The following TMEM260 variants were observed in gnomAD, a reference collection of about 807,000 sequenced individuals.
TMEM260 encodes transmembrane protein 260, also known as protein O-mannosyl-transferase TMEM260.
TMEM260 carries 82 observed loss-of-function variants against 88.9 expected under a neutral mutation model. The ratio of observed to expected loss-of-function variants is 0.92; its 90% confidence interval spans 0.77 to 1.11. The LOEUF (loss-of-function observed/expected upper bound fraction) is 1.11, where lower values mean the gene tolerates loss of function less well. Ranked by LOEUF, TMEM260 falls within the 50% of genes least tolerant of loss-of-function variation. The pLI, the probability that TMEM260 is intolerant of heterozygous loss-of-function variation, is 0.00. For missense variants in TMEM260, 902 were observed against 853.4 expected, an observed-to-expected ratio of 1.06 and a Z score of -0.71; for synonymous variants, 314 against 309.3, an observed-to-expected ratio of 1.02 and a Z score of -0.16.
At chr14:56,625,235 C>T in intron 11 of TMEM260, 147 bp from the exon 12 acceptor site, 1 of 714,806 alleles carries the variant, frequency 1.4e-6, no homozygotes, top group Non-Finnish European at 2.2e-6. Context: ...TAATCAGTAC[C>T]ACATTCTCAG....
At chr14:56,646,160 T>C (rs1284731672) in intron 15 of TMEM260, among the ~76,000 whole-genome samples, 1 of 152,200 alleles carries the variant, frequency 6.6e-6, no homozygotes, top group East Asian at 1.9e-4. Context: ...GCTGGACAAC[T>C]GAGGGTTATT....
At chr14:56,628,969 C>T (rs1680638772) in intron 12 of TMEM260, among the ~76,000 whole-genome samples, 2 of 151,498 alleles carry the variant, frequency 1.3e-5, no homozygotes, top group African/African-American at 4.9e-5. Context: ...AATCTTGGCT[C>T]ACTGCAACCT....
chr14:56,645,203 A>C (rs1265452978), intron 15 of TMEM260, among the ~76,000 whole-genome samples: 1 of 148,632 alleles, frequency 6.7e-6, no homozygotes, highest in African/African-American at 2.4e-5. Flanking sequence ...ACATATGTTT[A>C]TTGCGGCACT....
chr14:56,609,207 G>T lies in TMEM260; in HGVS notation c.738G>T (p.Arg246=), dbSNP rs748310540. Reference sequence around the variant, plus strand: ...TCTCATCTTACCTTAATCACGCCCGGTGGACCTGGGGAGACCAGACAACAC... The same window carrying T: ...TCTCATCTTACCTTAATCACGCCCGTTGGACCTGGGGAGACCAGACAACAC... ...LPISSYLNHA[R]WTWGDQTTLQ... The change falls in exon 6 of 16, where the codon CGG becomes CGT. Residue 246 remains arginine, a synonymous_variant. Transcript: ENST00000261556. The T allele has an allele frequency of 1.9e-6, 3 of 1,614,078 alleles. No individual in the cohort carries two copies. Among genetic ancestry groups the T allele is most frequent in the African/African-American group, 1.3e-5 (1 of 75,010 alleles).
intron 15 of TMEM260, among the ~76,000 whole-genome samples, chr14:56,645,602 C>A (rs1016442314): frequency 1.3e-5 from 2 of 149,656 alleles, no homozygotes; most frequent in Non-Finnish European, 3.0e-5. Flanking sequence ...ATGTAACAAA[C>A]CTGCACGTTG....
At chr14:56,589,656 C>T (rs2151774) in intron 3 of TMEM260, among the ~76,000 whole-genome samples, 50,731 of 151,928 alleles carry the variant, frequency 0.33, 10,401 homozygotes, top group East Asian at 0.51. Context: ...CTACAAAGAA[C>T]GTACGATCAA....
Position 56,579,924 on chromosome 14 carries a change from C to T in TMEM260, c.10C>T (p.His4Tyr), listed in dbSNP as rs1884992036. 1.6e-6 allele frequency: 2 copies of T among 1,234,606 alleles called. No homozygotes were observed. Among genetic ancestry groups the T allele is most frequent in the Non-Finnish European group, 2.0e-6 (2 of 987,952 alleles). The allele number at this position is 1,234,606 out of a possible 1,614,324, so 76.5% of individuals were successfully genotyped here. A position where few individuals can be genotyped will look rare whatever the true frequency, so the allele number is the denominator to read the frequency against. Reference sequence around the variant, plus strand: ...CGGTCGCCACTGGCCCATGAGTCCCCATGGCGACGGCAGGGGCCAGGCCCA... The same window carrying T: ...CGGTCGCCACTGGCCCATGAGTCCCTATGGCGACGGCAGGGGCCAGGCCCA... Reference protein sequence around the residue: MSPHGDGRGQAQGR... With the variant: MSPYGDGRGQAQGR... The change falls in exon 1 of 16, where the codon CAT becomes TAT. Residue 4 changes from histidine (H) to tyrosine (Y), a missense_variant. His to Tyr is a moderately conservative substitution (Grantham distance 83, BLOSUM62 2). Transcript: ENST00000261556.
chr14:56,652,945 A>G (rs1167449584), downstream of TMEM260, among the ~76,000 whole-genome samples: 1 of 152,214 alleles, frequency 6.6e-6, no homozygotes, highest in East Asian at 1.9e-4. Flanking sequence ...ACTGTGGGTC[A>G]TGAAGTCAAT....
chr14:56,644,585 G>T (rs4442728), intron 15 of TMEM260, among the ~76,000 whole-genome samples: 62 of 151,968 alleles, frequency 4.1e-4, no homozygotes, highest in Admixed American at 1.2e-3. Context: ...TCAGGACATA[G>T]GCATGGGCAA....
Position 56,617,289 on chromosome 14 carries a change from A to C in TMEM260, c.1048A>C (p.Met350Leu). Residue 350 changes from methionine (M) to leucine (L), a missense_variant, in exon 9 of 16, where the codon ATG becomes CTG. Transcript: ENST00000261556. ...TTTAGATATTTCAAAACCACTTTTCATGGGTGTGGTAAGTTTTACTTAGAT... is the reference window on the plus strand; with the variant it reads ...TTTAGATATTTCAAAACCACTTTTCCTGGGTGTGGTAAGTTTTACTTAGAT... Reference protein sequence around the residue: ...ANLDISKPLFMGVVERFWMQS... With the variant: ...ANLDISKPLFLGVVERFWMQS... The C allele has an allele frequency of 1.9e-6, 3 of 1,589,496 alleles. No individual in the cohort carries two copies. Among genetic ancestry groups the C allele is most frequent in the Non-Finnish European group, 1.7e-6 (2 of 1,168,702 alleles).
At chr14:56,651,695 GTCT>G (rs1890209666), downstream of TMEM260, among the ~76,000 whole-genome samples, 1 of 152,226 alleles carries the variant, frequency 6.6e-6, no homozygotes, top group Admixed American at 6.5e-5. Context: ...AGAGTTGCAA[GTCT>G]TCTGGTACAT....
intron 15 of TMEM260, among the ~76,000 whole-genome samples, chr14:56,642,100 G>C (rs1889638520): frequency 6.6e-6 from 1 of 152,282 alleles, no homozygotes; most frequent in East Asian, 1.9e-4. Flanking sequence ...ACAGATCCAT[G>C]AGACAGAAAG....
chr14:56,585,119 ATTAAT>A (rs1019666086), intron 2 of TMEM260, 87 bp downstream of exon 2: 224 of 1,261,080 alleles, frequency 1.8e-4, no homozygotes, highest in East Asian at 4.7e-5. Flanking sequence ...AGTAAAGTAG[ATTAAT>A]TTATTTTCAA....
At chr14:56,599,373 G>C (rs1886430443) in intron 3 of TMEM260, among the ~76,000 whole-genome samples, 1 of 152,162 alleles carries the variant, frequency 6.6e-6, no homozygotes, top group Non-Finnish European at 1.5e-5. Context: ...CCACAGCCAT[G>C]TGTACTGACG....
chr14:56,612,280 A>G lies in TMEM260; in HGVS notation c.852A>G (p.Ile284Met). Reference protein sequence around the residue: ...KSEIGSSMSEILLSQVTNMRT... With the variant: ...KSEIGSSMSEMLLSQVTNMRT... ...AAATAGGATCCAGTATGTCTGAAATACTGCTGTGAGTATGAAATATTTGAA... is the reference window on the plus strand; with the variant it reads ...AAATAGGATCCAGTATGTCTGAAATGCTGCTGTGAGTATGAAATATTTGAA... Residue 284 changes from isoleucine to methionine, a missense_variant, in exon 7 of 16, where the codon ATA (isoleucine) becomes ATG (methionine). Coordinates refer to ENST00000261556, the MANE Select transcript of TMEM260 (RefSeq NM_017799.4). The G allele has an allele frequency of 6.2e-7, 1 of 1,612,992 alleles. No individual in the cohort carries two copies. The highest frequency in any genetic ancestry group is 8.5e-7 in the Non-Finnish European group (1 of 1,179,078).
intron 3 of TMEM260, among the ~76,000 whole-genome samples, chr14:56,601,971 T>C (rs1419246544): frequency 6.6e-6 from 1 of 152,144 alleles, no homozygotes; most frequent in Non-Finnish European, 1.5e-5. Context: ...CGGTTTTAAA[T>C]AGAGGAAGGA....
At chr14:56,630,040 CAGAAAAAAAAAAAGA>C (rs934039152) in intron 12 of TMEM260, among the ~76,000 whole-genome samples, 4 of 134,970 alleles carry the variant, frequency 3.0e-5, no homozygotes, top group Admixed American at 7.4e-5. Flanking sequence ...AACCCTATCT[CAGAAAAAAAAAAAGA>C]AGAAAAAAAA....
At chr14:56,633,202 T>C in intron 13 of TMEM260, 31 bp downstream of exon 13, 1 of 1,550,696 alleles carries the variant, frequency 6.4e-7, no homozygotes, top group Non-Finnish European at 8.7e-7. Flanking sequence ...TTGATGCATA[T>C]AAACATAGCA....
At chr14:56,645,238 C>T (rs1403273545) in intron 15 of TMEM260, among the ~76,000 whole-genome samples, 2 of 126,358 alleles carry the variant, frequency 1.6e-5, no homozygotes, top group Non-Finnish European at 3.6e-5. Flanking sequence ...AGACTTGGAA[C>T]CAACCCAATG....
Sources: allele counts gnomAD v4.1 joint callset (sites outside exome capture counted in the v4.1 genomes callset), GRCh38; gene constraint gnomAD v4.1.1; transcripts MANE v1.5; gene names NCBI Gene and HGNC (gene_info 2026-07-23, HGNC 2026-07-21).